GRIA4: variants seen among roughly 807,000 people sequenced by gnomAD.
The protein encoded by GRIA4 is glutamate receptor 4.
In GRIA4, 34 loss-of-function variants were observed where a neutral mutation model predicts 104.0. That is an observed-to-expected ratio of 0.33 (90% confidence interval 0.25 to 0.44). GRIA4 has a LOEUF of 0.44. GRIA4 is among the 20% of genes least tolerant of loss of function. The probability of loss-of-function intolerance (pLI) is 1.00; values close to 1 mark genes in which losing one functional copy is unlikely to be tolerated. For missense variants in GRIA4, 750 were observed against 1,096.5 expected (o/e 0.68, Z 4.46); for synonymous variants, 386 against 381.9 (o/e 1.01, Z -0.13).
chr11:105,648,058 T>G (rs554499291), intron 3 of GRIA4, among the ~76,000 whole-genome samples: 1 of 152,044 alleles, frequency 6.6e-6, no homozygotes, highest in South Asian at 2.1e-4. Flanking sequence ...ATAAAAGCAA[T>G]AGAGTATAAA....
chr11:105,835,453 A>G (rs1349053987), intron 4 of GRIA4, among the ~76,000 whole-genome samples: 1 of 152,066 alleles, frequency 6.6e-6, no homozygotes, highest in East Asian at 1.9e-4. Flanking sequence ...TATTATAACA[A>G]ATAACAAATT....
At chr11:105,866,738 T>C (rs1254568675) in intron 5 of GRIA4, among the ~76,000 whole-genome samples, 3 of 151,732 alleles carry the variant, frequency 2.0e-5, no homozygotes, top group African/African-American at 7.3e-5. Context: ...AAATACATTA[T>C]GTAGAAAGTG....
intron 3 of GRIA4, among the ~76,000 whole-genome samples, chr11:105,614,792 G>C (rs1421050564): frequency 2.0e-5 from 3 of 151,994 alleles, no homozygotes; most frequent in Non-Finnish European, 4.4e-5. Context: ...AGTCAAGAGT[G>C]TGGGTCAGGT....
chr11:105,889,101 G>T (rs763566610), intron 6 of GRIA4, among the ~76,000 whole-genome samples: 1 of 151,834 alleles, frequency 6.6e-6, no homozygotes, highest in Non-Finnish European at 1.5e-5. Flanking sequence ...AGAATTGAGG[G>T]GAAAAAAATC....
chr11:105,914,507 G>A (rs1229817695), intron 10 of GRIA4, among the ~76,000 whole-genome samples: 1 of 151,794 alleles, frequency 6.6e-6, no homozygotes, highest in Non-Finnish European at 1.5e-5. Context: ...AATCTCCTTG[G>A]TAGGAAAATT....
chr11:105,729,054 T>G (rs1938411336), intron 3 of GRIA4, among the ~76,000 whole-genome samples: 1 of 151,962 alleles, frequency 6.6e-6, no homozygotes, highest in African/African-American at 2.4e-5. Flanking sequence ...AAAAAATCAG[T>G]GAATCTGGGA....
At chr11:105,795,136 T>C (rs1942427131) in intron 4 of GRIA4, among the ~76,000 whole-genome samples, 5 of 152,168 alleles carry the variant, frequency 3.3e-5, no homozygotes. Flanking sequence ...AACTGGTTAC[T>C]TTTGTTGTCT....
At chr11:105,721,177 A>C (rs1434157234) in intron 3 of GRIA4, among the ~76,000 whole-genome samples, 1 of 152,194 alleles carries the variant, frequency 6.6e-6, no homozygotes, top group Non-Finnish European at 1.5e-5. Context: ...TGCTAATTAA[A>C]GAATCTTGAG....
chr11:105,876,165 T>C (rs1172217717), intron 5 of GRIA4, among the ~76,000 whole-genome samples: 2 of 152,322 alleles, frequency 1.3e-5, no homozygotes, highest in East Asian at 3.9e-4. Flanking sequence ...CTTAATTTTG[T>C]TATTTACCCA....
intron 5 of GRIA4, among the ~76,000 whole-genome samples, chr11:105,876,670 G>T (rs773619019): frequency 2.0e-5 from 3 of 152,096 alleles, no homozygotes; most frequent in Non-Finnish European, 2.9e-5. Flanking sequence ...ATTATGTGAT[G>T]CCCTTCTTTG....
intron 5 of GRIA4, among the ~76,000 whole-genome samples, chr11:105,882,285 A>C (rs1334106160): frequency 6.6e-6 from 1 of 152,180 alleles, no homozygotes; most frequent in Non-Finnish European, 1.5e-5. Context: ...GAGAAAAACC[A>C]GTTATTTCTA....
At chr11:105,979,515 G>T in intron 16 of GRIA4, 60 bp from the exon 17 acceptor site, 1 of 1,434,580 alleles carries the variant, frequency 7.0e-7, no homozygotes, top group Non-Finnish European at 9.7e-7. Context: ...ACATATTGTT[G>T]AAGAAACAGA....
intron 3 of GRIA4, among the ~76,000 whole-genome samples, chr11:105,735,334 G>C (rs1403800286): frequency 6.6e-6 from 1 of 152,056 alleles, no homozygotes; most frequent in African/African-American, 2.4e-5. Context: ...CAGCAAAAGA[G>C]AAAGGATAAT....
chr11:105,742,240 A>G (rs1314810054), intron 3 of GRIA4, among the ~76,000 whole-genome samples: 1 of 152,112 alleles, frequency 6.6e-6, no homozygotes, highest in Non-Finnish European at 1.5e-5. Context: ...CCCCCTTTTC[A>G]AATATCACTG....
chr11:105,955,727 T>C (rs1473114279), intron 14 of GRIA4, among the ~76,000 whole-genome samples: 1 of 152,172 alleles, frequency 6.6e-6, no homozygotes, highest in Non-Finnish European at 1.5e-5. Flanking sequence ...CTAATTTAAA[T>C]TCCCACCAAC....
chr11:105,829,399 T>C (rs532316980), intron 4 of GRIA4, among the ~76,000 whole-genome samples: 98 of 152,032 alleles, frequency 6.4e-4, no homozygotes, highest in Non-Finnish European at 1.1e-3. Flanking sequence ...TCAGCCAGTC[T>C]GCCACAAATT....
chr11:105,845,589 A>T (rs925366339), intron 4 of GRIA4, among the ~76,000 whole-genome samples: 5 of 152,138 alleles, frequency 3.3e-5, no homozygotes, highest in African/African-American at 1.2e-4. Context: ...ATGGATAAAA[A>T]TACCTATCCC....
chr11:105,896,173 G>A (rs1334337333), intron 6 of GRIA4, among the ~76,000 whole-genome samples: 3 of 152,094 alleles, frequency 2.0e-5, no homozygotes, highest in African/African-American at 4.8e-5. Flanking sequence ...TTTCTCTGAT[G>A]ATTAGTGATG....
chr11:105,872,999 T>C (rs1343587076), intron 5 of GRIA4, among the ~76,000 whole-genome samples: 2 of 152,076 alleles, frequency 1.3e-5, no homozygotes, highest in Non-Finnish European at 2.9e-5. Flanking sequence ...TAGGTATACA[T>C]GTGCCATGGT....
Sources: gnomAD v4.1 joint callset for allele counts (sites outside exome capture counted in the v4.1 genomes callset) on GRCh38, gnomAD v4.1.1 for gene constraint, MANE v1.5 for transcripts, NCBI Gene and HGNC (gene_info 2026-07-23, HGNC 2026-07-21) for gene names.